Variants in QKI observed in about 807,000 individuals in gnomAD.
QKI encodes the protein KH domain-containing RNA-binding protein QKI.
In QKI, 10 loss-of-function variants were observed where a neutral mutation model predicts 39.0. That is an observed-to-expected ratio of 0.26 (90% CI 0.16 to 0.43). The LOEUF is 0.43. Ranked by LOEUF, QKI falls within the 20% of genes least tolerant of loss-of-function variation. The pLI is 1.00. For synonymous variants in QKI, 204 were observed against 155.4 expected (o/e 1.31, Z -2.33); for missense variants, 218 against 428.0 (o/e 0.51, Z 4.33).
rs1228090846 is a variant in QKI at position 163,565,004 on chromosome 6, T to C, written c.934+1285T>C. The C allele has an allele frequency of 6.4e-6, 8 of 1,247,746 alleles. No individual in the cohort carries two copies. The East Asian group carries it at 2.9e-4, about 46-fold the overall frequency. 77.3% of individuals were successfully genotyped at this position (1,247,746 alleles called of 1,614,324 possible). The stretch of plus-strand genomic sequence containing the variant: ...TTCGTTGTTCAAGTAAAGAAAGCCA[T>C]GATGCTCTGTATGTTATCTGTGTGT... On this transcript the variant is annotated intron_variant, in intron 6 of 7. Coordinates refer to ENST00000361752, the MANE Select transcript of QKI (RefSeq NM_006775.3).
chr6:163,568,868 G>A, intron 7 of QKI: 2 of 985,706 alleles, frequency 2.0e-6, no homozygotes, highest in Non-Finnish European at 2.4e-6. Context: ...TGAACTGTAT[G>A]GTCTTGCATG....
At chr6:163,513,762 G>A (rs764755779) in intron 3 of QKI, among the ~76,000 whole-genome samples, 31 of 152,260 alleles carry the variant, frequency 2.0e-4, no homozygotes, top group Middle Eastern at 6.8e-3. Context: ...TATCTTGTAA[G>A]ATAAGCTAGC....
chr6:163,487,788 GA>G (rs1173681752), intron 3 of QKI, among the ~76,000 whole-genome samples: 3 of 151,916 alleles, frequency 2.0e-5, no homozygotes, highest in African/African-American at 7.3e-5. Context: ...TTTTTTGAAA[GA>G]ATATTTCATA....
chr6:163,480,441 C>T (rs1047531462), intron 3 of QKI, among the ~76,000 whole-genome samples: 2 of 152,110 alleles, frequency 1.3e-5, no homozygotes, highest in Non-Finnish European at 2.9e-5. Flanking sequence ...CTGAGCCCTC[C>T]GCCTCATGTC....
At chr6:163,484,130 A>G (rs568947804) in intron 3 of QKI, among the ~76,000 whole-genome samples, 1 of 152,138 alleles carries the variant, frequency 6.6e-6, no homozygotes, top group African/African-American at 2.4e-5. Context: ...AAAATATTCA[A>G]TAAACCTTTC....
chr6:163,437,914 T>G lies in QKI; in HGVS notation c.143-17365T>G, dbSNP rs1789442551. ...AAGGTCAGATCCTGGAAGAAAAAGC[T>G]CTGACCTTTTAAAAAGAGTGTTGGA... On this transcript the variant is annotated intron_variant, in intron 1 of 7. Transcript: ENST00000361752. 2.6e-5 allele frequency among the ~76,000 whole-genome samples: 4 copies of G among 152,170 alleles called. No individual in the cohort carries two copies. In the South Asian group the frequency reaches 8.3e-4, roughly 31 times the overall value.
At chr6:163,553,854 G>C (rs1319275841) in intron 4 of QKI, among the ~76,000 whole-genome samples, 1 of 152,134 alleles carries the variant, frequency 6.6e-6, no homozygotes, top group Non-Finnish European at 1.5e-5. Context: ...CATCATATTT[G>C]TGTGTGTTTG....
chr6:163,523,682 A>C (rs1263320709), intron 3 of QKI, among the ~76,000 whole-genome samples: 2 of 152,212 alleles, frequency 1.3e-5, no homozygotes, highest in Non-Finnish European at 2.9e-5. Context: ...TACATATGTG[A>C]GACAAATACA....
At chr6:163,569,129 G>GACTA in intron 7 of QKI, 1 of 932,504 alleles carries the variant, frequency 1.1e-6, no homozygotes, top group Non-Finnish European at 1.3e-6. Flanking sequence ...GAAGTAGTAT[G>GACTA]ACTACATCAT....
intron 3 of QKI, among the ~76,000 whole-genome samples, chr6:163,489,391 G>A (rs1210684580): frequency 6.6e-6 from 1 of 150,916 alleles, no homozygotes; most frequent in Non-Finnish European, 1.5e-5. Flanking sequence ...AGGAGATTGA[G>A]CATCTGTTAA....
chr6:163,486,009 T>C (rs1723163275), intron 3 of QKI, among the ~76,000 whole-genome samples: 1 of 152,226 alleles, frequency 6.6e-6, no homozygotes, highest in African/African-American at 2.4e-5. Context: ...AAAGCCTTCC[T>C]GGGCCGCATG....
At chr6:163,534,274 GATATA>G (rs1212415739) in intron 3 of QKI, among the ~76,000 whole-genome samples, 5 of 152,146 alleles carry the variant, frequency 3.3e-5, no homozygotes, top group Non-Finnish European at 7.4e-5. Flanking sequence ...TTTATGACTT[GATATA>G]ATTAAAGAGT....
chr6:163,468,718 T>G, intron 2 of QKI, among the ~76,000 whole-genome samples: 1 of 152,218 alleles, frequency 6.6e-6, no homozygotes, highest in East Asian at 1.9e-4. Context: ...CTTTCCCTTC[T>G]TTTGGCCTTT....
chr6:163,490,288 A>G (rs1364525502), intron 3 of QKI, among the ~76,000 whole-genome samples: 1 of 152,214 alleles, frequency 6.6e-6, no homozygotes, highest in Admixed American at 6.5e-5. Flanking sequence ...ACCTTCTACC[A>G]TAGTTAATTT....
intron 6 of QKI, chr6:163,564,505 T>G (rs1025775385): frequency 3.0e-5 from 43 of 1,440,840 alleles, no homozygotes; most frequent in East Asian, 7.5e-5. Context: ...GAGATACTCT[T>G]AATTTCAGTA....
chr6:163,535,206 G>A, intron 4 of QKI, 81 bp downstream of exon 4: 2 of 1,345,648 alleles, frequency 1.5e-6, no homozygotes, highest in South Asian at 3.9e-5. Context: ...ATGTTTATAA[G>A]GAATAGGTTA....
intron 4 of QKI, among the ~76,000 whole-genome samples, chr6:163,545,660 A>G (rs13194160): frequency 6.6e-6 from 1 of 152,044 alleles, no homozygotes; most frequent in East Asian, 1.9e-4. Flanking sequence ...GAGACTCTGT[A>G]TGAATAACAT....
Position 163,481,292 on chromosome 6 carries a change from G to A in QKI, c.402+2396G>A, listed in dbSNP as rs1415051459. On this transcript the variant is annotated intron_variant, in intron 3 of 7. Transcript: ENST00000361752. ...ATATAATGTGTATATCTATATGTGT[G>A]TATATACTGATTGCCTGTTTTACTT... Among the ~76,000 whole-genome samples, 2 of 152,162 alleles carry A rather than the reference G, an allele frequency of 1.3e-5. 1 individual carries two copies. The highest frequency in any genetic ancestry group is 2.9e-5 in the Non-Finnish European group (2 of 68,040).
chr6:163,555,638 G>T (rs1289559200), intron 4 of QKI, among the ~76,000 whole-genome samples: 1 of 150,512 alleles, frequency 6.6e-6, no homozygotes, highest in Non-Finnish European at 1.5e-5. Flanking sequence ...CTCGGGGATT[G>T]TGGACAGATG....
Sources: allele counts gnomAD v4.1 joint callset (sites outside exome capture counted in the v4.1 genomes callset), GRCh38; gene constraint gnomAD v4.1.1; transcripts MANE v1.5; gene names NCBI Gene and HGNC (gene_info 2026-07-23, HGNC 2026-07-21).